CELSR1: variants seen among roughly 807,000 people sequenced by gnomAD.
CELSR1 encodes the protein cadherin EGF LAG seven-pass G-type receptor 1.
CELSR1 carries 110 observed loss-of-function variants against 249.1 expected under a neutral mutation model. That is an observed-to-expected ratio of 0.44 (90% confidence interval 0.38 to 0.52). The LOEUF (loss-of-function observed/expected upper bound fraction) is 0.52. Among genes scored for constraint, CELSR1 ranks in the 20% least tolerant of loss-of-function variants. The probability of loss-of-function intolerance (pLI) is 0.00; values close to 1 mark genes in which losing one functional copy is unlikely to be tolerated. For synonymous variants in CELSR1, 2,113 were observed against 1,900.0 expected, an observed-to-expected ratio of 1.11 and a Z score of -2.92; for missense variants, 4,109 against 4,296.4, an observed-to-expected ratio of 0.96 and a Z score of 1.22.
At chr22:46,514,134 C>T (rs1230200890) in intron 1 of CELSR1, among the ~76,000 whole-genome samples, 3 of 152,214 alleles carry the variant, frequency 2.0e-5, no homozygotes, top group South Asian at 2.1e-4. Context: ...GTCTTGTCTA[C>T]ACTTTTCTCA....
chr22:46,427,011 C>T lies in CELSR1; in HGVS notation c.4611+6382G>A, dbSNP rs916779761. ...ATGTGAATGTGCAGAGCAGAGCAAA[C>T]GCAGCAGTGCTCCAGTGAAGTTCAT... is the stretch of plus-strand genomic sequence containing the variant. On this transcript the variant is annotated intron_variant, in intron 5 of 34. Coordinates refer to ENST00000674500, the MANE Select transcript of CELSR1 (RefSeq NM_001378328.1). The surrounding 1 kb of genome is among the most constrained non-coding windows in gnomAD (Gnocchi z 4.2). 6.6e-6 allele frequency among the ~76,000 whole-genome samples: 1 copy of T among 152,172 alleles called. No individual in the cohort carries two copies. Among genetic ancestry groups the T allele is most frequent in the African/African-American group, 2.4e-5 (1 of 41,420 alleles).
In CELSR1 at chr22:46,409,735, G is replaced by A. The variant is rs113926320; in HGVS notation, c.5059+20C>T. 6.2e-7 allele frequency: 1 copy of A among 1,611,208 alleles called. No individual in the cohort carries two copies. Among genetic ancestry groups the A allele is most frequent in the Non-Finnish European group, 8.5e-7 (1 of 1,179,918 alleles). ...CCCAGGCCGCCGTGACCGGGGGGAT[G>A]GACGACGCCGGCCACTCACCTTGCT... On this transcript the variant is annotated intron_variant, in intron 8 of 34. Coordinates refer to ENST00000674500, the MANE Select transcript of CELSR1 (RefSeq NM_001378328.1). This position sits in a 1 kb window ranked among gnomAD's most constrained non-coding sequence, Gnocchi z 9.8.
At chr22:46,525,035 G>A (rs2080725323) in intron 1 of CELSR1, among the ~76,000 whole-genome samples, 1 of 152,172 alleles carries the variant, frequency 6.6e-6, no homozygotes, top group African/African-American at 2.4e-5. Flanking sequence ...GGGAAGCCCA[G>A]GGGCCTCCAA....
rs1294619057 is a variant in CELSR1 at position 46,533,921 on chromosome 22, G to C, written c.3250C>G (p.Arg1084Gly). 1 of 1,613,068 alleles carries C rather than the reference G, an allele frequency of 6.2e-7. No homozygotes were observed. Among genetic ancestry groups the C allele is most frequent in the Non-Finnish European group, 8.5e-7 (1 of 1,180,012 alleles). The change falls in exon 1 of 35, where the codon CGA becomes GGA. Residue 1084 changes from arginine to glycine, a missense_variant. This residue lies in a region of CELSR1 where 886 missense variants were observed against 896.5 expected (regional missense o/e 0.99). Transcript: ENST00000674500. ...ACGAGAAGGATGTGCACCGTGGCTC[G>C]GCTCACCAGCGGAGCCGACGTGGCC... Reference protein sequence around the residue: ...VQATSAPLVSRATVHILLVDQ... With the variant: ...VQATSAPLVSGATVHILLVDQ...
chr22:46,419,766 ACACTCAC>A (rs1161018657), intron 5 of CELSR1, among the ~76,000 whole-genome samples: 3 of 148,240 alleles, frequency 2.0e-5, no homozygotes, highest in Non-Finnish European at 4.5e-5. Flanking sequence ...CCACACGTGC[ACACTCAC>A]CACTCACACT....
At position 46,413,299 on chromosome 22, in the gene CELSR1, C is replaced by T. The variant is rs1469905852; in HGVS notation, c.4612-1540G>A. Among the ~76,000 whole-genome samples, 3 of 152,174 alleles carry T rather than the reference C, an allele frequency of 2.0e-5. No individual in the cohort carries two copies. Among genetic ancestry groups the T allele is most frequent in the Admixed American group, 2.0e-4 (3 of 15,286 alleles). On this transcript the variant is annotated intron_variant, in intron 5 of 34. Transcript: ENST00000674500. The surrounding 1 kb of genome is among the most constrained non-coding windows in gnomAD (Gnocchi z 4.7). ...ACACAACTGGAAACAGGAGCTCAGC[C>T]AGATGGCCAAGTTGCATGACTTCTG... is the stretch of plus-strand genomic sequence containing the variant.
At chr22:46,523,548 AAATAAAT>A (rs2080706981) in intron 1 of CELSR1, among the ~76,000 whole-genome samples, 1 of 151,106 alleles carries the variant, frequency 6.6e-6, no homozygotes, top group Non-Finnish European at 1.5e-5. Context: ...ATAAATAAAT[AAATAAAT>A]AAATAAAATA....
At position 46,445,055 on chromosome 22, in the gene CELSR1, G is replaced by A. The variant is rs891193936; in HGVS notation, c.4184-5644C>T. On this transcript the variant is annotated intron_variant, in intron 2 of 34. Transcript: ENST00000674500. This position sits in a 1 kb window ranked among gnomAD's most constrained non-coding sequence, Gnocchi z 4.4. ...CAATCTCTACTACAAAAATTAACCG[G>A]CGTGGTGGCAAGCGCCTGTAATCCC... 1.3e-5 allele frequency among the ~76,000 whole-genome samples: 2 copies of A among 151,994 alleles called. No individual in the cohort carries two copies. Among genetic ancestry groups the A allele is most frequent in the Non-Finnish European group, 2.9e-5 (2 of 68,026 alleles).
intron 2 of CELSR1, among the ~76,000 whole-genome samples, chr22:46,455,628 G>A (rs1013010078): frequency 2.0e-5 from 3 of 152,192 alleles, no homozygotes; most frequent in African/African-American, 7.2e-5. Flanking sequence ...GTCGTCTTCA[G>A]CCACTCAGTT....
rs943370661 is a variant in CELSR1, at chr22:46,401,523, G to A, written c.5227-1621C>T. Among the ~76,000 whole-genome samples the A allele has an allele frequency of 1.3e-5, 2 of 152,224 alleles. No individual in the cohort carries two copies. Among genetic ancestry groups the A allele is most frequent in the African/African-American group, 2.4e-5 (1 of 41,464 alleles). The stretch of plus-strand genomic sequence containing the variant: ...GGTTCTGGAAGACACAGTGGAGGCT[G>A]AGCGTGCAGTCAGGTCACGGCTGCC... On this transcript the variant is annotated intron_variant, in intron 9 of 34. Transcript: ENST00000674500. This position sits in a 1 kb window ranked among gnomAD's most constrained non-coding sequence, Gnocchi z 4.7.
chr22:46,427,329 A>T lies in CELSR1; in HGVS notation c.4611+6064T>A, dbSNP rs1297472885. 6.6e-6 allele frequency among the ~76,000 whole-genome samples: 1 copy of T among 152,184 alleles called. No individual in the cohort carries two copies. The highest frequency in any genetic ancestry group is 1.5e-5 in the Non-Finnish European group (1 of 68,016). On this transcript the variant is annotated intron_variant, in intron 5 of 34. Coordinates refer to ENST00000674500, the MANE Select transcript of CELSR1 (RefSeq NM_001378328.1). The surrounding 1 kb of genome is among the most constrained non-coding windows in gnomAD (Gnocchi z 4.2). ...GGCAGGGAGATCACCTGAGGTCAGG[A>T]GTTTGAAAACAACCTGGCCAACATG...
chr22:46,455,312 C>T (rs924358384), intron 2 of CELSR1, among the ~76,000 whole-genome samples: 2 of 152,170 alleles, frequency 1.3e-5, no homozygotes, highest in African/African-American at 4.8e-5. Flanking sequence ...TCACTGTAAC[C>T]TCCGCCTCCC....
chr22:46,483,819 C>T lies in CELSR1; in HGVS notation c.3545-19474G>A, dbSNP rs186848101. On this transcript the variant is annotated intron_variant, in intron 1 of 34. Transcript: ENST00000674500. ...GGTAGAGTGAGGCCTGCAGTCTCCACGTGTCTACTCAGCTCTTTCACACCA... is the reference window on the plus strand; with the variant it reads ...GGTAGAGTGAGGCCTGCAGTCTCCATGTGTCTACTCAGCTCTTTCACACCA... Among the ~76,000 whole-genome samples the T allele has an allele frequency of 5.8e-3, 886 of 152,258 alleles. 5 individuals carry two copies. The highest frequency in any genetic ancestry group is 8.3e-3 in the Non-Finnish European group (563 of 68,024).
Position 46,472,488 on chromosome 22 carries a change from T to C in CELSR1, c.3545-8143A>G, listed in dbSNP as rs981734619. 5.3e-5 allele frequency among the ~76,000 whole-genome samples: 8 copies of C among 152,086 alleles called. No homozygotes were observed. Among genetic ancestry groups the C allele is most frequent in the Admixed American group, 2.0e-4 (3 of 15,268 alleles). ...GGGTGAAGAGCAGCGCAGCTGATGC[T>C]GGACGGCCCCGGGAGACAGGGGAGT... On this transcript the variant is annotated intron_variant, in intron 1 of 34. Coordinates refer to ENST00000674500, the MANE Select transcript of CELSR1 (RefSeq NM_001378328.1). This position sits in a 1 kb window ranked among gnomAD's most constrained non-coding sequence, Gnocchi z 7.0.
chr22:46,374,820 C>T lies in CELSR1; in HGVS notation c.7585-1763G>A, dbSNP rs115862369. On this transcript the variant is annotated intron_variant, in intron 24 of 34. Transcript: ENST00000674500. This position sits in a 1 kb window ranked among gnomAD's most constrained non-coding sequence, Gnocchi z 4.3. ...CCCATTGCGGGGATGCGCCCGGCTG[C>T]GGATGTGAAGAAACCCCTCCGCAGG... Among the ~76,000 whole-genome samples, 2,147 of 152,288 alleles carry T rather than the reference C, an allele frequency of 0.014. 53 individuals are homozygous for T. Among genetic ancestry groups the T allele is most frequent in the African/African-American group, 0.047 (1,956 of 41,528 alleles).
In CELSR1 at chr22:46,410,809, C is replaced by T. The variant is rs74764525; in HGVS notation, c.4770-248G>A. 1.2e-4 allele frequency among the ~76,000 whole-genome samples: 19 copies of T among 152,122 alleles called. No individual in the cohort carries two copies. The highest frequency in any genetic ancestry group is 2.5e-4 in the Non-Finnish European group (17 of 67,984). On this transcript the variant is annotated intron_variant, in intron 6 of 34. Coordinates refer to ENST00000674500, the MANE Select transcript of CELSR1 (RefSeq NM_001378328.1). This position sits in a 1 kb window ranked among gnomAD's most constrained non-coding sequence, Gnocchi z 6.8. ...CACGCTCACCAGTGACCACCAAGCCCCGCCCACCCAGGCTGGTCCACACCG... is the reference window on the plus strand; with the variant it reads ...CACGCTCACCAGTGACCACCAAGCCTCGCCCACCCAGGCTGGTCCACACCG...
At position 46,430,244 on chromosome 22, in the gene CELSR1, T is replaced by TCCA. The variant is rs2079579342; in HGVS notation, c.4611+3146_4611+3148dup. The stretch of plus-strand genomic sequence containing the variant: ...CAGCGGCATGGCCCGCACCAATGCT[T>TCCA]CCACCCTCTCCAGACTGCTGTATGC... On this transcript the variant is annotated intron_variant, in intron 5 of 34. Coordinates refer to ENST00000674500, the MANE Select transcript of CELSR1 (RefSeq NM_001378328.1). The surrounding 1 kb of genome is among the most constrained non-coding windows in gnomAD (Gnocchi z 4.6). Among the ~76,000 whole-genome samples the TCCA allele has an allele frequency of 6.6e-6, 1 of 152,202 alleles. No individual in the cohort carries two copies. Among genetic ancestry groups the TCCA allele is most frequent in the Non-Finnish European group, 1.5e-5 (1 of 68,034 alleles).
rs553546354 is a variant in CELSR1 at position 46,380,960 on chromosome 22, G to C, written c.7089-5C>G. 3 of 1,610,874 alleles carry C rather than the reference G, an allele frequency of 1.9e-6. No individual in the cohort carries two copies. Among genetic ancestry groups the C allele is most frequent in the South Asian group, 1.1e-5 (1 of 91,014 alleles). Reference sequence around the variant, plus strand: ...ATGATGGGCCGGTGAGGCAACCTGAGGTCAAGAAGCCAGAGCATGGGGACA... The same window carrying C: ...ATGATGGGCCGGTGAGGCAACCTGACGTCAAGAAGCCAGAGCATGGGGACA... On this transcript the variant is annotated splice_polypyrimidine_tract_variant and splice_region_variant and intron_variant, in intron 21 of 34. Coordinates refer to ENST00000674500, the MANE Select transcript of CELSR1 (RefSeq NM_001378328.1). The surrounding 1 kb of genome is among the most constrained non-coding windows in gnomAD (Gnocchi z 5.1).
Position 46,363,855 on chromosome 22 carries a change from C to T in CELSR1, c.9035+141G>A. 3 of 1,174,888 alleles carry T rather than the reference C, an allele frequency of 2.6e-6. No homozygotes were observed. The highest frequency in any genetic ancestry group is 6.0e-5 in the Admixed American group (2 of 33,176). The allele number at this position is 1,174,888 out of a possible 1,614,324, so 72.8% of individuals were successfully genotyped here. On this transcript the variant is annotated intron_variant, in intron 34 of 34. Coordinates refer to ENST00000674500, the MANE Select transcript of CELSR1 (RefSeq NM_001378328.1). This position sits in a 1 kb window ranked among gnomAD's most constrained non-coding sequence, Gnocchi z 4.3. ...CTCAGCTGCAGCGCCTCCCCCCTCC[C>T]CCATCCCCGCCTGGGCTTCCTCTGC...
Sources: allele counts gnomAD v4.1 joint callset (sites outside exome capture counted in the v4.1 genomes callset), GRCh38; gene constraint gnomAD v4.1.1; regional missense constraint gnomAD v4.1.1; non-coding constraint Gnocchi (gnomAD v3.1); transcripts MANE v1.5; gene names NCBI Gene and HGNC (gene_info 2026-07-23, HGNC 2026-07-21).